Variants in MTHFD2L observed in about 807,000 individuals in gnomAD.
MTHFD2L encodes the protein bifunctional methylenetetrahydrofolate dehydrogenase/cyclohydrolase 2, mitochondrial.
Under a neutral mutation model 34.9 loss-of-function variants are expected in MTHFD2L, and 29 were observed. That is an observed-to-expected ratio of 0.83 (90% CI 0.62 to 1.13). MTHFD2L has a LOEUF of 1.13. Ranked by LOEUF, MTHFD2L falls within the 50% of genes most tolerant of loss-of-function variation. MTHFD2L has a pLI of 0.00. For synonymous variants in MTHFD2L, 167 were observed against 155.7 expected (o/e 1.07, Z -0.54); for missense variants, 481 against 446.5 (o/e 1.08, Z -0.70).
intron 6 of MTHFD2L, among the ~76,000 whole-genome samples, chr4:74,261,992 G>A (rs1744736326): frequency 6.6e-6 from 1 of 151,926 alleles, no homozygotes. Flanking sequence ...ATTTTATTCT[G>A]TCTCAAATCA....
At chr4:74,145,349 C>G (rs1274732641) in intron 1 of MTHFD2L, among the ~76,000 whole-genome samples, 2 of 152,022 alleles carry the variant, frequency 1.3e-5, no homozygotes, top group African/African-American at 4.8e-5. Flanking sequence ...TTAAAATATA[C>G]AGGAGGATGT....
intron 6 of MTHFD2L, among the ~76,000 whole-genome samples, chr4:74,255,904 A>G (rs1743966182): frequency 6.6e-6 from 1 of 152,102 alleles, no homozygotes; most frequent in African/African-American, 2.4e-5. Flanking sequence ...TCCATTCTTT[A>G]TGGACATCTA....
At chr4:74,207,062 T>C (rs1456392613) in intron 5 of MTHFD2L, among the ~76,000 whole-genome samples, 1 of 151,992 alleles carries the variant, frequency 6.6e-6, no homozygotes, top group African/African-American at 2.4e-5. Context: ...CACACCCAGA[T>C]AATTTTTTGT....
intron 6 of MTHFD2L, among the ~76,000 whole-genome samples, chr4:74,251,454 C>T (rs1205385082): frequency 6.6e-6 from 1 of 152,176 alleles, no homozygotes; most frequent in African/African-American, 2.4e-5. Flanking sequence ...AACATACATC[C>T]TATACTCTAA....
chr4:74,279,607 G>A (rs1261936055), intron 6 of MTHFD2L, among the ~76,000 whole-genome samples: 1 of 152,002 alleles, frequency 6.6e-6, no homozygotes, highest in Non-Finnish European at 1.5e-5. Flanking sequence ...ATAATCAGAG[G>A]GAGATTGGGA....
At chr4:74,184,451 G>A (rs140064190) in intron 3 of MTHFD2L, among the ~76,000 whole-genome samples, 1 of 152,198 alleles carries the variant, frequency 6.6e-6, no homozygotes, top group African/African-American at 2.4e-5. Context: ...TAATTAAAGA[G>A]TTGGTTTATC....
chr4:74,224,355 T>A (rs1738801531), intron 5 of MTHFD2L, among the ~76,000 whole-genome samples: 1 of 152,158 alleles, frequency 6.6e-6, no homozygotes, highest in Non-Finnish European at 1.5e-5. Context: ...GCTGCCTTTC[T>A]CCCTGTATGG....
upstream of MTHFD2L, among the ~76,000 whole-genome samples, chr4:74,154,630 G>T (rs1381771461): frequency 6.6e-6 from 1 of 152,006 alleles, no homozygotes. Flanking sequence ...CCATCAATGT[G>T]GGATTTATTT....
At chr4:74,133,795 C>T (rs909361335) in intron 1 of MTHFD2L, among the ~76,000 whole-genome samples, 5 of 152,096 alleles carry the variant, frequency 3.3e-5, no homozygotes, top group African/African-American at 4.8e-5. Context: ...GTTCACATAT[C>T]GGTTTTCTAA....
At chr4:74,287,099 C>T (rs1406789532) in intron 7 of MTHFD2L, among the ~76,000 whole-genome samples, 1 of 152,024 alleles carries the variant, frequency 6.6e-6, no homozygotes, top group African/African-American at 2.4e-5. Flanking sequence ...GTTGATGAAA[C>T]TGGTTTAAAT....
chr4:74,252,289 G>A (rs1743423818), intron 6 of MTHFD2L, among the ~76,000 whole-genome samples: 1 of 151,974 alleles, frequency 6.6e-6, no homozygotes, highest in South Asian at 2.1e-4. Context: ...ACTATTATTG[G>A]AGCCTTGGCT....
At chr4:74,263,485 T>G (rs1744927370) in intron 6 of MTHFD2L, among the ~76,000 whole-genome samples, 1 of 152,018 alleles carries the variant, frequency 6.6e-6, no homozygotes, top group African/African-American at 2.4e-5. Flanking sequence ...ATTTTTTTTG[T>G]GTCATCTCTG....
intron 6 of MTHFD2L, chr4:74,266,846 A>G: frequency 1.0e-6 from 1 of 985,286 alleles, no homozygotes; most frequent in Non-Finnish European, 1.2e-6. Flanking sequence ...AGACTGCATA[A>G]GAGGGGAATA....
At chr4:74,222,911 A>G (rs111367240) in intron 5 of MTHFD2L, among the ~76,000 whole-genome samples, 158 of 152,198 alleles carry the variant, frequency 1.0e-3, no homozygotes, top group Non-Finnish European at 1.8e-3. Context: ...CAGAATGACT[A>G]TTATTAAAAA....
intron 7 of MTHFD2L, among the ~76,000 whole-genome samples, chr4:74,293,848 G>C (rs1370452928): frequency 6.6e-6 from 1 of 152,144 alleles, no homozygotes; most frequent in Non-Finnish European, 1.5e-5. Flanking sequence ...ATGTTTGAGA[G>C]GCCACGCTTA....
intron 1 of MTHFD2L, among the ~76,000 whole-genome samples, chr4:74,170,023 A>C (rs527387494): frequency 1.5e-4 from 23 of 152,326 alleles, no homozygotes; most frequent in South Asian, 8.3e-4. Flanking sequence ...AGAATCAGAT[A>C]GCTTCATGGG....
intron 3 of MTHFD2L, among the ~76,000 whole-genome samples, chr4:74,191,581 T>A (rs566966): frequency 6.6e-6 from 1 of 151,998 alleles, no homozygotes; most frequent in East Asian, 1.9e-4. Flanking sequence ...GATGGAGTCT[T>A]GCACTGTTGC....
At chr4:74,211,789 A>G (rs1331913188) in intron 5 of MTHFD2L, among the ~76,000 whole-genome samples, 1 of 151,772 alleles carries the variant, frequency 6.6e-6, no homozygotes, top group South Asian at 2.1e-4. Flanking sequence ...TTATGGTAGA[A>G]TTGGGCTGTG....
chr4:74,244,733 G>A lies in MTHFD2L; in HGVS notation c.805+19339G>A, dbSNP rs78926120. Among the ~76,000 whole-genome samples the A allele has an allele frequency of 9.2e-3, 1,401 of 152,278 alleles. 18 individuals carry two copies. The highest frequency in any genetic ancestry group is 0.012 in the Non-Finnish European group (845 of 68,024). ...TATGAATATTACAGAGTTCATTGAA[G>A]TGGCTTCAAATTCTACATTGCAATT... On this transcript the variant is annotated intron_variant, in intron 6 of 7. Transcript: ENST00000325278.
Sources: allele counts gnomAD v4.1 joint callset (sites outside exome capture counted in the v4.1 genomes callset), GRCh38; gene constraint gnomAD v4.1.1; transcripts MANE v1.5; gene names NCBI Gene and HGNC (gene_info 2026-07-23, HGNC 2026-07-21).